Variants in SERINC3 observed in about 807,000 individuals in gnomAD.
SERINC3 encodes the protein tumor differentially expressed protein 1.
Under a neutral mutation model 52.1 loss-of-function variants are expected in SERINC3, and 22 were observed. The ratio of observed to expected loss-of-function variants is 0.42; its 90% CI spans 0.30 to 0.60. SERINC3 has a LOEUF of 0.60. Among genes scored for constraint, SERINC3 ranks in the 20% least tolerant of loss-of-function variants. SERINC3 has a pLI of 0.16. For missense variants in SERINC3, 564 were observed against 584.6 expected (o/e 0.96, Z 0.36); for synonymous variants, 226 against 212.7 (o/e 1.06, Z -0.54).
At chr20:44,515,855 C>T (rs940572381) in intron 1 of SERINC3, among the ~76,000 whole-genome samples, 1 of 151,840 alleles carries the variant, frequency 6.6e-6, no homozygotes, top group South Asian at 2.1e-4. Context: ...AGGGTTTTGT[C>T]ATGTTGCCCA....
At chr20:44,517,281 G>A (rs1367512031) in intron 1 of SERINC3, among the ~76,000 whole-genome samples, 3 of 152,302 alleles carry the variant, frequency 2.0e-5, no homozygotes, top group East Asian at 3.9e-4. Flanking sequence ...AAATTGACCA[G>A]CCAGTCTCAG....
chr20:44,510,130 A>G, intron 4 of SERINC3, 102 bp from the exon 5 acceptor site: 1 of 1,119,922 alleles, frequency 8.9e-7, no homozygotes, highest in Non-Finnish European at 1.3e-6. Context: ...CAGAGGTGGT[A>G]AAGACATTCT....
At position 44,514,916 on chromosome 20, in the gene SERINC3, G is replaced by A. The variant is rs180914569; in HGVS notation, c.40-876C>T. On this transcript the variant is annotated intron_variant, in intron 1 of 9. Coordinates refer to ENST00000342374, the MANE Select transcript of SERINC3 (RefSeq NM_006811.4). Reference sequence around the variant, plus strand: ...CATATGACCCAGAAAGTATATACCCGACCCCAATAGCTGTTTTGTTTGAAA... The same window carrying A: ...CATATGACCCAGAAAGTATATACCCAACCCCAATAGCTGTTTTGTTTGAAA... 3.1e-4 allele frequency among the ~76,000 whole-genome samples: 47 copies of A among 152,176 alleles called. No homozygotes were observed. In the East Asian group the frequency reaches 5.8e-3, roughly 19 times the overall value.
chr20:44,507,596 C>G (rs959546517), intron 5 of SERINC3, among the ~76,000 whole-genome samples: 6 of 152,186 alleles, frequency 3.9e-5, no homozygotes, highest in Admixed American at 6.5e-5. Context: ...GTTGGCTGAA[C>G]ATGGTGGCTC....
At chr20:44,511,905 A>G (rs575771227) in intron 3 of SERINC3, among the ~76,000 whole-genome samples, 6 of 152,312 alleles carry the variant, frequency 3.9e-5, no homozygotes, top group South Asian at 2.1e-4. Flanking sequence ...CCAACCTCCA[A>G]CTGGTTAACA....
Position 44,497,774 on chromosome 20 carries a change from G to T in SERINC3, c.*2522C>A, listed in dbSNP as rs1218150327. 6.6e-6 allele frequency: 1 copy of T among 152,070 alleles called. No individual in the cohort carries two copies. Among genetic ancestry groups the T allele is most frequent in the Non-Finnish European group, 1.5e-5 (1 of 68,016 alleles). The allele number at this position is 152,070 out of a possible 1,614,324, so 9.4% of individuals were successfully genotyped here. On this transcript the variant is annotated 3_prime_UTR_variant, in exon 10 of 10. Coordinates refer to ENST00000342374, the MANE Select transcript of SERINC3 (RefSeq NM_006811.4). ...TACCCCACACCTCCACCCTAACTGA[G>T]CCTGTCCCCTCTGTGTTCCTCTGTC...
Position 44,504,447 on chromosome 20 carries a change from T to C in SERINC3, c.874+354A>G, listed in dbSNP as rs576023490. Among the ~76,000 whole-genome samples, 54 of 152,330 alleles carry C rather than the reference T, an allele frequency of 3.5e-4. 1 individual carries two copies. Among genetic ancestry groups the C allele is most frequent in the African/African-American group, 1.3e-3 (52 of 41,582 alleles). On this transcript the variant is annotated intron_variant, in intron 7 of 9. Coordinates refer to ENST00000342374, the MANE Select transcript of SERINC3 (RefSeq NM_006811.4). Reference sequence around the variant, plus strand: ...TCCTATAATAACTACAAAAGGAGATTTCCTACAGCTGTTTCTTCTACAGCC... The same window carrying C: ...TCCTATAATAACTACAAAAGGAGATCTCCTACAGCTGTTTCTTCTACAGCC...
At chr20:44,514,759 T>C (rs757523996) in intron 1 of SERINC3, among the ~76,000 whole-genome samples, 3 of 151,814 alleles carry the variant, frequency 2.0e-5, no homozygotes, top group Admixed American at 1.3e-4. Flanking sequence ...AGACTCCATC[T>C]CAAAAAAATA....
chr20:44,508,260 G>A (rs1600813220), intron 5 of SERINC3, among the ~76,000 whole-genome samples: 1 of 152,148 alleles, frequency 6.6e-6, no homozygotes, highest in Non-Finnish European at 1.5e-5. Flanking sequence ...AAGGCAGGTG[G>A]ATCGATTGAG....
intron 4 of SERINC3, among the ~76,000 whole-genome samples, chr20:44,510,769 C>T (rs1046551629): frequency 1.7e-4 from 26 of 151,818 alleles, no homozygotes; most frequent in Admixed American, 1.6e-3. Flanking sequence ...TGAGATCGTG[C>T]CACGGCACTC....
Position 44,522,018 on chromosome 20 carries a change from G to A in SERINC3, c.-67C>T. 1.4e-6 allele frequency: 2 copies of A among 1,480,016 alleles called. No homozygotes were observed. The highest frequency in any genetic ancestry group is 2.5e-5 in the East Asian group (1 of 40,674). 91.7% of individuals were successfully genotyped at this position (1,480,016 alleles called of 1,614,324 possible). ...TCTAACACGGTGGTAACTGCCAGCTGAGGTGACTCCCCAGAAACATGACGG... is the reference window on the plus strand; with the variant it reads ...TCTAACACGGTGGTAACTGCCAGCTAAGGTGACTCCCCAGAAACATGACGG... On this transcript the variant is annotated 5_prime_UTR_variant, in exon 1 of 10. Coordinates refer to ENST00000342374, the MANE Select transcript of SERINC3 (RefSeq NM_006811.4).
At chr20:44,514,633 C>T (rs940264938) in intron 1 of SERINC3, among the ~76,000 whole-genome samples, 3 of 152,188 alleles carry the variant, frequency 2.0e-5, no homozygotes, top group East Asian at 1.9e-4. Context: ...TGGTGGCGGA[C>T]GCCTGTAGTC....
chr20:44,512,319 A>G (rs1963224), intron 3 of SERINC3, among the ~76,000 whole-genome samples: 1 of 150,952 alleles, frequency 6.6e-6, no homozygotes, highest in African/African-American at 2.4e-5. Context: ...ATCTCCAAAA[A>G]CAAAACAAAA....
intron 1 of SERINC3, among the ~76,000 whole-genome samples, chr20:44,519,082 G>A (rs2064399659): frequency 6.6e-6 from 1 of 151,562 alleles, no homozygotes; most frequent in Admixed American, 6.6e-5. Flanking sequence ...AATCTGTTTT[G>A]TCAGTTTAAT....
At chr20:44,504,354 T>C (rs980323874) in intron 7 of SERINC3, among the ~76,000 whole-genome samples, 1 of 152,216 alleles carries the variant, frequency 6.6e-6, no homozygotes, top group African/African-American at 2.4e-5. Context: ...TAAGTTATCA[T>C]TGGTGGAAGG....
At chr20:44,517,249 T>C (rs183911542) in intron 1 of SERINC3, among the ~76,000 whole-genome samples, 162 of 152,338 alleles carry the variant, frequency 1.1e-3, no homozygotes, top group Middle Eastern at 6.8e-3. Flanking sequence ...CCATTATTAT[T>C]TGTAATTGCA....
rs1269006846 is a variant in SERINC3 at position 44,501,166 on chromosome 20, T to A, written c.1190A>T (p.Glu397Val). The part of the protein sequence containing the change: ...DGQPRRAVDN[E>V]KEGVQYSYSL... ...GTAGCTATACTGCACTCCCTCTTTC[T>A]CGTTGTCCACAGCCCGCCGAGGCTG... Residue 397 changes from glutamate (E) to valine (V), a missense_variant, in exon 9 of 10, where the codon GAG (glutamate) becomes GTG (valine). Glu to Val is a moderately radical substitution (Grantham distance 121). Transcript: ENST00000342374. 6.2e-7 allele frequency: 1 copy of A among 1,614,180 alleles called. No homozygotes were observed. The highest frequency in any genetic ancestry group is 1.1e-5 in the South Asian group (1 of 91,082).
At chr20:44,511,480 A>AT (rs1247448677) in intron 3 of SERINC3, 112 bp from the exon 4 acceptor site, 11 of 680,336 alleles carry the variant, frequency 1.6e-5, no homozygotes, top group Admixed American at 1.1e-4. Flanking sequence ...TCCCAACATG[A>AT]TTGTCTGGAC....
chr20:44,496,949 A>G (rs547586282), downstream of SERINC3, among the ~76,000 whole-genome samples: 1 of 152,336 alleles, frequency 6.6e-6, no homozygotes, highest in South Asian at 2.1e-4. Context: ...AGAAAGTTTT[A>G]CTTCCCAACC....
Sources: gnomAD v4.1 joint callset for allele counts (sites outside exome capture counted in the v4.1 genomes callset) on GRCh38, gnomAD v4.1.1 for gene constraint, MANE v1.5 for transcripts, NCBI Gene and HGNC (gene_info 2026-07-23, HGNC 2026-07-21) for gene names.